QTMAN: variants seen among roughly 807,000 people sequenced by gnomAD.
QTMAN encodes the protein tRNA-queuosine alpha-mannosyltransferase.
At chr2:143,969,567 G>A in the QTMAN span, among the ~76,000 whole-genome samples, 1 of 152,118 alleles carries the variant, frequency 6.6e-6, no homozygotes, top group Non-Finnish European at 1.5e-5. Flanking sequence ...GCGTGAAAGA[G>A]ATGAAAAAAT....
the QTMAN span, among the ~76,000 whole-genome samples, chr2:144,266,503 T>C: frequency 6.6e-6 from 1 of 152,194 alleles, no homozygotes; most frequent in Non-Finnish European, 1.5e-5. Flanking sequence ...TTTTGAAGAT[T>C]AGATGATATC....
chr2:144,135,180 G>T, the QTMAN span, among the ~76,000 whole-genome samples: 1 of 152,224 alleles, frequency 6.6e-6, no homozygotes, highest in African/African-American at 2.4e-5. Flanking sequence ...GATCCAATTT[G>T]TTGGAAGTGA....
chr2:144,031,928 TA>T, the QTMAN span, among the ~76,000 whole-genome samples: 1 of 152,070 alleles, frequency 6.6e-6, no homozygotes, highest in Non-Finnish European at 1.5e-5. Flanking sequence ...GGTGTGTGGC[TA>T]AAAACATTAG....
At chr2:144,115,415 G>C in the QTMAN span, among the ~76,000 whole-genome samples, 1 of 152,132 alleles carries the variant, frequency 6.6e-6, no homozygotes, top group Non-Finnish European at 1.5e-5. Flanking sequence ...ACCATTCAAG[G>C]CTCCTCTTTC....
the QTMAN span, among the ~76,000 whole-genome samples, chr2:144,015,909 T>C: frequency 1.3e-5 from 2 of 152,190 alleles, no homozygotes; most frequent in Admixed American, 1.3e-4. Flanking sequence ...AGGATAGTAA[T>C]ATCTGTGCTT....
the QTMAN span, among the ~76,000 whole-genome samples, chr2:144,009,248 T>C: frequency 6.6e-6 from 1 of 151,914 alleles, no homozygotes; most frequent in East Asian, 1.9e-4. Context: ...GTGTAGAATC[T>C]AAGGAGTTGC....
At chr2:143,989,990 A>G in the QTMAN span, among the ~76,000 whole-genome samples, 5 of 152,130 alleles carry the variant, frequency 3.3e-5, no homozygotes, top group African/African-American at 4.8e-5. Flanking sequence ...AACTGTTAAA[A>G]ATACCAATAC....
the QTMAN span, chr2:143,944,131 C>T: frequency 2.0e-4 from 31 of 152,140 alleles, no homozygotes; most frequent in African/African-American, 6.7e-4. Context: ...AATGAGTCAA[C>T]GTGTAGTACT....
the QTMAN span, among the ~76,000 whole-genome samples, chr2:144,267,965 G>T: frequency 6.6e-6 from 1 of 152,144 alleles, no homozygotes; most frequent in South Asian, 2.1e-4. Flanking sequence ...TGGGGCCAAT[G>T]GGAGGTGATA....
At chr2:144,030,791 G>A in the QTMAN span, among the ~76,000 whole-genome samples, 2 of 152,172 alleles carry the variant, frequency 1.3e-5, no homozygotes, top group African/African-American at 4.8e-5. Flanking sequence ...GCTCTCTATC[G>A]AGGGTGATTA....
At chr2:144,295,235 T>G in the QTMAN span, 3 of 152,142 alleles carry the variant, frequency 2.0e-5, no homozygotes, top group African/African-American at 7.2e-5. Context: ...GCTCTTCAGA[T>G]AGCAGCTAAG....
chr2:144,135,779 T>C, the QTMAN span, among the ~76,000 whole-genome samples: 1 of 152,180 alleles, frequency 6.6e-6, no homozygotes, highest in Non-Finnish European at 1.5e-5. Context: ...GTTTGGGTTC[T>C]AAAACAGTAT....
At chr2:144,148,351 T>C in the QTMAN span, among the ~76,000 whole-genome samples, 118 of 151,994 alleles carry the variant, frequency 7.8e-4, 2 homozygotes, top group South Asian at 0.023. Flanking sequence ...TAACAGTTGA[T>C]TAATCTATGT....
At chr2:144,183,413 G>T in the QTMAN span, among the ~76,000 whole-genome samples, 1 of 151,832 alleles carries the variant, frequency 6.6e-6, no homozygotes, top group Admixed American at 6.6e-5. Flanking sequence ...CTATTCATTG[G>T]CCCACTACTA....
chr2:144,191,182 A>G, the QTMAN span, among the ~76,000 whole-genome samples: 73 of 152,310 alleles, frequency 4.8e-4, no homozygotes, highest in African/African-American at 1.7e-3. Context: ...AATTCTACCT[A>G]ATGTGCTTTA....
At chr2:144,092,877 G>GTA in the QTMAN span, among the ~76,000 whole-genome samples, 4 of 137,800 alleles carry the variant, frequency 2.9e-5, no homozygotes, top group South Asian at 2.5e-4. Flanking sequence ...TGGGGTGTGT[G>GTA]TGTGTGTGTG....
At chr2:143,996,571 A>C in the QTMAN span, among the ~76,000 whole-genome samples, 1 of 151,216 alleles carries the variant, frequency 6.6e-6, no homozygotes, top group Non-Finnish European at 1.5e-5. Context: ...GTAGGTGAAG[A>C]GGGGCAGTTA....
At chr2:144,088,885 A>G in the QTMAN span, among the ~76,000 whole-genome samples, 1 of 152,036 alleles carries the variant, frequency 6.6e-6, no homozygotes. Flanking sequence ...TAAGCCTAGG[A>G]AAAACTCTCC....
the QTMAN span, among the ~76,000 whole-genome samples, chr2:144,279,998 G>A: frequency 6.6e-6 from 1 of 152,142 alleles, no homozygotes; most frequent in African/African-American, 2.4e-5. Context: ...AAGTGTATGT[G>A]GGAACTCAGC....
Sources: allele counts gnomAD v4.1 joint callset (sites outside exome capture counted in the v4.1 genomes callset), GRCh38; gene constraint gnomAD v4.1.1; transcripts MANE v1.5; gene names NCBI Gene and HGNC (gene_info 2026-07-23, HGNC 2026-07-21).